The following IL1RAPL2 variants were observed in gnomAD, a reference collection of about 807,000 sequenced individuals.
IL1RAPL2 encodes X-linked interleukin-1 receptor accessory protein-like 2.
IL1RAPL2 carries 3 observed loss-of-function variants against 44.1 expected under a neutral mutation model. The observed-to-expected ratio is 0.07, with a 90% CI of 0.03 to 0.18. The LOEUF is 0.18. IL1RAPL2 is among the 10% of genes least tolerant of loss of function. The pLI is 1.00. For synonymous variants in IL1RAPL2, 181 were observed against 178.8 expected, an observed-to-expected ratio of 1.01 and a Z score of -0.10; for missense variants, 391 against 496.4, an observed-to-expected ratio of 0.79 and a Z score of 2.02.
intron 2 of IL1RAPL2, among the ~76,000 whole-genome samples, chrX:105,096,502 G>A (rs2032605116): frequency 8.9e-6 from 1 of 112,494 alleles, no homozygotes; most frequent in Non-Finnish European, 1.9e-5. Flanking sequence ...ACACAATGGA[G>A]TATTTTGACA....
chrX:104,762,277 G>T (rs1932474199), intron 2 of IL1RAPL2, among the ~76,000 whole-genome samples: 1 of 111,159 alleles, frequency 9.0e-6, no homozygotes, highest in Admixed American at 9.6e-5. Context: ...AGGATTACAG[G>T]CATGAGCCAT....
intron 2 of IL1RAPL2, among the ~76,000 whole-genome samples, chrX:104,703,848 G>C (rs1489030153): frequency 8.9e-6 from 1 of 112,219 alleles, no homozygotes; most frequent in Non-Finnish European, 1.9e-5. Context: ...AGGGATGTCA[G>C]ATTCCAAACC....
intron 7 of IL1RAPL2, among the ~76,000 whole-genome samples, chrX:105,732,587 C>T (rs1464358084): frequency 5.4e-5 from 6 of 111,375 alleles, no homozygotes; most frequent in Non-Finnish European, 1.1e-4. Context: ...GCCTGTGGAA[C>T]GGTGAGCCAA....
At chrX:105,689,916 C>A (rs777184167) in intron 6 of IL1RAPL2, among the ~76,000 whole-genome samples, 1 of 111,582 alleles carries the variant, frequency 9.0e-6, no homozygotes, top group African/African-American at 3.3e-5. Flanking sequence ...ATGTCCTTTG[C>A]AGGGACATGG....
chrX:105,573,018 G>T (rs371799471), intron 6 of IL1RAPL2, among the ~76,000 whole-genome samples: 3 of 110,903 alleles, frequency 2.7e-5, no homozygotes, highest in East Asian at 5.7e-4. Context: ...ACTTTATCCT[G>T]AGAGTAGTGA....
intron 6 of IL1RAPL2, among the ~76,000 whole-genome samples, chrX:105,506,712 G>A (rs1383123051): frequency 8.9e-6 from 1 of 111,901 alleles, no homozygotes; most frequent in Non-Finnish European, 1.9e-5. Context: ...CCATGGAAAA[G>A]TCTGAAAGGA....
At chrX:105,183,126 G>T (rs1433887667) in intron 2 of IL1RAPL2, among the ~76,000 whole-genome samples, 1 of 111,488 alleles carries the variant, frequency 9.0e-6, no homozygotes, top group African/African-American at 3.3e-5. Flanking sequence ...GTGCACATGG[G>T]CACAGATTGT....
At chrX:104,802,355 A>C (rs1262863386) in intron 2 of IL1RAPL2, among the ~76,000 whole-genome samples, 48 of 109,828 alleles carry the variant, frequency 4.4e-4, no homozygotes, top group East Asian at 1.4e-3. Flanking sequence ...AAAAAAAAAA[A>C]AAAACAAAAC....
chrX:104,719,961 G>T (rs1200764780), intron 2 of IL1RAPL2, among the ~76,000 whole-genome samples: 1 of 111,190 alleles, frequency 9.0e-6, no homozygotes, highest in Non-Finnish European at 1.9e-5. Flanking sequence ...TCTGCAGATA[G>T]TCATACTGGA....
intron 5 of IL1RAPL2, among the ~76,000 whole-genome samples, chrX:105,393,726 T>C (rs752541211): frequency 8.9e-6 from 1 of 111,816 alleles, no homozygotes; most frequent in Non-Finnish European, 1.9e-5. Flanking sequence ...TTTCCCTAGT[T>C]AAGAGAAATT....
chrX:105,547,208 G>A (rs2036809335), intron 6 of IL1RAPL2, among the ~76,000 whole-genome samples: 1 of 112,448 alleles, frequency 8.9e-6, no homozygotes, highest in African/African-American at 3.2e-5. Context: ...ATCAAATGCT[G>A]AAATGCATCT....
chrX:104,706,264 T>G (rs1391945970), intron 2 of IL1RAPL2, among the ~76,000 whole-genome samples: 2 of 111,995 alleles, frequency 1.8e-5, no homozygotes, highest in African/African-American at 3.2e-5. Flanking sequence ...ATTCATATGT[T>G]CATTATTTTA....
chrX:104,659,881 TG>T (rs1488437750), intron 2 of IL1RAPL2, among the ~76,000 whole-genome samples: 1 of 111,717 alleles, frequency 9.0e-6, no homozygotes, highest in Non-Finnish European at 1.9e-5. Flanking sequence ...AAATGCGGAT[TG>T]GGGGGAGGTG....
intron 1 of IL1RAPL2, chrX:104,647,851 T>C (rs1602661021): frequency 5.1e-6 from 3 of 592,334 alleles, no homozygotes; most frequent in Non-Finnish European, 8.8e-6. Context: ...TCCCTTCCCC[T>C]ACCACAATGT....
intron 2 of IL1RAPL2, among the ~76,000 whole-genome samples, chrX:105,035,198 G>T (rs767932484): frequency 1.2e-4 from 13 of 111,904 alleles, no homozygotes; most frequent in African/African-American, 3.2e-4. Context: ...TCCCGAGTGA[G>T]GCAATGCCTT....
At chrX:105,707,851 G>A (rs1222874022) in intron 6 of IL1RAPL2, among the ~76,000 whole-genome samples, 2 of 110,938 alleles carry the variant, frequency 1.8e-5, no homozygotes, top group Non-Finnish European at 3.8e-5. Flanking sequence ...TTCAGAGAAA[G>A]CAGAGTGTGC....
At chrX:104,666,672 A>G (rs1346958077) in intron 2 of IL1RAPL2, among the ~76,000 whole-genome samples, 5 of 111,780 alleles carry the variant, frequency 4.5e-5, no homozygotes, top group Admixed American at 2.9e-4. Context: ...CTGCCAGGTG[A>G]GTTTCTATCA....
chrX:105,297,825 G>A (rs1163907373), intron 5 of IL1RAPL2, among the ~76,000 whole-genome samples: 2 of 111,147 alleles, frequency 1.8e-5, no homozygotes, highest in South Asian at 3.8e-4. Context: ...AAAAATGATC[G>A]CTCTGGCTGT....
In IL1RAPL2 at chrX:105,716,910, G is replaced by A. The variant is rs184293101; in HGVS notation, c.773-457G>A. ...GATAGTCTTTTCATTTGATTTTTTC[G>A]TATTATTTCATAAGAAGGAGGCAGC... is the stretch of plus-strand genomic sequence containing the variant. On this transcript the variant is annotated intron_variant, in intron 6 of 10. Transcript: ENST00000372582. Among the ~76,000 whole-genome samples, 6 of 111,669 alleles carry A rather than the reference G, an allele frequency of 5.4e-5. No homozygotes were observed. The East Asian group carries it at 8.5e-4, about 16-fold the overall frequency.
Sources: gnomAD v4.1 joint callset for allele counts (sites outside exome capture counted in the v4.1 genomes callset) on GRCh38, gnomAD v4.1.1 for gene constraint, MANE v1.5 for transcripts, NCBI Gene and HGNC (gene_info 2026-07-23, HGNC 2026-07-21) for gene names.